HS6ST3: variants seen among roughly 807,000 people sequenced by gnomAD.
HS6ST3 encodes heparan sulfate 6-O-sulfotransferase 3.
Under a neutral mutation model 36.7 loss-of-function variants are expected in HS6ST3, and 12 were observed. The ratio of observed to expected loss-of-function variants is 0.33; its 90% confidence interval spans 0.21 to 0.53. The LOEUF is 0.53. HS6ST3 is among the 20% of genes least tolerant of loss of function. HS6ST3 has a pLI of 0.95. For synonymous variants in HS6ST3, 240 were observed against 257.5 expected (o/e 0.93, Z 0.65); for missense variants, 584 against 640.9 (o/e 0.91, Z 0.96).
At chr13:96,701,129 A>T (rs1875274520) in intron 1 of HS6ST3, among the ~76,000 whole-genome samples, 1 of 152,240 alleles carries the variant, frequency 6.6e-6, no homozygotes, top group South Asian at 2.1e-4. Flanking sequence ...GTGGTTTTAA[A>T]TAGTTGGATT....
At chr13:96,765,110 ACGCC>A (rs1877070164) in intron 1 of HS6ST3, among the ~76,000 whole-genome samples, 1 of 121,098 alleles carries the variant, frequency 8.3e-6, no homozygotes, top group Non-Finnish European at 1.6e-5. Flanking sequence ...TCTGTCGCCC[ACGCC>A]GGACTGCGGA....
At chr13:96,571,724 A>G (rs554808231) in intron 1 of HS6ST3, among the ~76,000 whole-genome samples, 67 of 152,268 alleles carry the variant, frequency 4.4e-4, no homozygotes, top group African/African-American at 1.6e-3. Flanking sequence ...TGACATTATA[A>G]TGGTTTAGGG....
chr13:96,782,628 G>A (rs773534356), intron 1 of HS6ST3, among the ~76,000 whole-genome samples: 7 of 152,044 alleles, frequency 4.6e-5, no homozygotes, highest in South Asian at 2.1e-4. Context: ...TAAGTTCCCC[G>A]TGCCTGGCTT....
chr13:96,474,951 A>G (rs1290831493), intron 1 of HS6ST3, among the ~76,000 whole-genome samples: 1 of 152,194 alleles, frequency 6.6e-6, no homozygotes, highest in Non-Finnish European at 1.5e-5. Flanking sequence ...TGTTTTTTCT[A>G]TGGATTAGCT....
chr13:96,410,960 C>T (rs1392756903), intron 1 of HS6ST3, among the ~76,000 whole-genome samples: 2 of 151,954 alleles, frequency 1.3e-5, no homozygotes, highest in Non-Finnish European at 2.9e-5. Context: ...ATATGTTAAC[C>T]CTGGAGCTCA....
At chr13:96,716,223 T>C (rs1336404798) in intron 1 of HS6ST3, among the ~76,000 whole-genome samples, 2 of 152,084 alleles carry the variant, frequency 1.3e-5, no homozygotes, top group Admixed American at 6.6e-5. Context: ...AAGCATTCCA[T>C]TGAGGGGCTA....
intron 1 of HS6ST3, among the ~76,000 whole-genome samples, chr13:96,140,585 C>A (rs1439480720): frequency 6.6e-6 from 1 of 152,078 alleles, no homozygotes; most frequent in Admixed American, 6.5e-5. Flanking sequence ...TTGATATGTA[C>A]CATTGACAGA....
chr13:96,109,010 C>T (rs574032809), intron 1 of HS6ST3, among the ~76,000 whole-genome samples: 129 of 143,346 alleles, frequency 9.0e-4, no homozygotes, highest in Non-Finnish European at 1.1e-3. Flanking sequence ...CCTCTATCAT[C>T]TGGATCTTTA....
intron 1 of HS6ST3, among the ~76,000 whole-genome samples, chr13:96,478,906 T>G (rs571921416): frequency 6.6e-6 from 1 of 152,312 alleles, no homozygotes; most frequent in South Asian, 2.1e-4. Flanking sequence ...CCTTTCTCTT[T>G]CCTTCTGTCC....
At chr13:96,806,043 A>G (rs1042529732) in intron 1 of HS6ST3, among the ~76,000 whole-genome samples, 1 of 152,180 alleles carries the variant, frequency 6.6e-6, no homozygotes, top group Non-Finnish European at 1.5e-5. Context: ...CAGGGTTTTT[A>G]TTAAGTATTT....
chr13:96,708,894 C>G (rs1875493925), intron 1 of HS6ST3, among the ~76,000 whole-genome samples: 1 of 152,212 alleles, frequency 6.6e-6, no homozygotes, highest in African/African-American at 2.4e-5. Context: ...TTGGATACCC[C>G]TGTCCCTGCC....
intron 1 of HS6ST3, among the ~76,000 whole-genome samples, chr13:96,820,008 A>G (rs1878499415): frequency 6.6e-6 from 1 of 152,084 alleles, no homozygotes; most frequent in African/African-American, 2.4e-5. Context: ...CCTGGGAGGC[A>G]GAGTTTGCTG....
chr13:96,344,660 A>G, intron 1 of HS6ST3, among the ~76,000 whole-genome samples: 1 of 152,170 alleles, frequency 6.6e-6, no homozygotes, highest in East Asian at 1.9e-4. Flanking sequence ...ACTGACCCTG[A>G]ACTGTCCTCT....
At chr13:96,318,113 A>C (rs2054985208) in intron 1 of HS6ST3, among the ~76,000 whole-genome samples, 1 of 152,170 alleles carries the variant, frequency 6.6e-6, no homozygotes, top group Admixed American at 6.6e-5. Flanking sequence ...CTTGGCCAAA[A>C]ATTATTTTCC....
chr13:96,554,415 T>A (rs2138950721), intron 1 of HS6ST3, among the ~76,000 whole-genome samples: 1 of 152,350 alleles, frequency 6.6e-6, no homozygotes, highest in Non-Finnish European at 1.5e-5. Context: ...AGTGCATACA[T>A]CTGTTAATAT....
At chr13:96,163,767 G>T (rs1264420781) in intron 1 of HS6ST3, among the ~76,000 whole-genome samples, 1 of 152,178 alleles carries the variant, frequency 6.6e-6, no homozygotes, top group South Asian at 2.1e-4. Flanking sequence ...TGCACGAAAT[G>T]ATGTACTTAG....
At chr13:96,202,226 T>G (rs2054345950) in intron 1 of HS6ST3, among the ~76,000 whole-genome samples, 1 of 152,212 alleles carries the variant, frequency 6.6e-6, no homozygotes, top group African/African-American at 2.4e-5. Context: ...TAACTGCATT[T>G]TAATGCCTTG....
At chr13:96,827,023 G>A (rs1360841545) in intron 1 of HS6ST3, among the ~76,000 whole-genome samples, 3 of 152,178 alleles carry the variant, frequency 2.0e-5, no homozygotes, top group African/African-American at 7.2e-5. Flanking sequence ...TGGAAGATCT[G>A]CTGACAGGAT....
At chr13:96,327,701 T>C (rs1847304547) in intron 1 of HS6ST3, among the ~76,000 whole-genome samples, 1 of 152,038 alleles carries the variant, frequency 6.6e-6, no homozygotes, top group African/African-American at 2.4e-5. Flanking sequence ...AAGTAGTTTT[T>C]TCCAATTCTG....
Sources: gnomAD v4.1 joint callset for allele counts (sites outside exome capture counted in the v4.1 genomes callset) on GRCh38, gnomAD v4.1.1 for gene constraint, MANE v1.5 for transcripts, NCBI Gene and HGNC (gene_info 2026-07-23, HGNC 2026-07-21) for gene names.